Variants in EEF2K observed in about 807,000 individuals in gnomAD.
The protein encoded by EEF2K is alternative protein EEF2K.
In EEF2K, 70 loss-of-function variants were observed where a neutral mutation model predicts 93.8. The ratio of observed to expected loss-of-function variants is 0.75; its 90% confidence interval spans 0.62 to 0.91. The LOEUF is 0.91. Among genes scored for constraint, EEF2K ranks in the 40% least tolerant of loss-of-function variants. The pLI is 0.00. For missense variants in EEF2K, 935 were observed against 972.9 expected, an observed-to-expected ratio of 0.96 and a Z score of 0.52; for synonymous variants, 376 against 380.8, an observed-to-expected ratio of 0.99 and a Z score of 0.15.
At chr16:22,279,236 CTTTT>C (rs143168233) in intron 16 of EEF2K, among the ~76,000 whole-genome samples, 6 of 135,246 alleles carry the variant, frequency 4.4e-5, no homozygotes, top group Middle Eastern at 3.9e-3. Flanking sequence ...CTTGACTCCT[CTTTT>C]TTTTTTTTTT....
chr16:22,223,981 C>T (rs1312440462), intron 1 of EEF2K, among the ~76,000 whole-genome samples: 1 of 150,824 alleles, frequency 6.6e-6, no homozygotes, highest in South Asian at 2.1e-4. Flanking sequence ...CCGAGGCAGG[C>T]GGATCACCTG....
At chr16:22,211,575 T>G (rs1323504812) in intron 1 of EEF2K, among the ~76,000 whole-genome samples, 1 of 152,180 alleles carries the variant, frequency 6.6e-6, no homozygotes, top group Non-Finnish European at 1.5e-5. Flanking sequence ...TTCTCATGCT[T>G]CAGCCTCTCA....
At chr16:22,234,799 C>T (rs1326422381) in intron 2 of EEF2K, among the ~76,000 whole-genome samples, 1 of 150,168 alleles carries the variant, frequency 6.7e-6, no homozygotes, top group African/African-American at 2.4e-5. Context: ...CTTTTCTGGA[C>T]GTTTTACATA....
chr16:22,263,328 G>T, intron 12 of EEF2K, 141 bp downstream of exon 12: 1 of 714,256 alleles, frequency 1.4e-6, no homozygotes, highest in Non-Finnish European at 2.1e-6. Context: ...AGTATTTCAG[G>T]CCGGTCATGG....
At chr16:22,249,368 A>T (rs9937787) in intron 4 of EEF2K, among the ~76,000 whole-genome samples, 3,696 of 152,228 alleles carry the variant, frequency 0.024, 155 homozygotes, top group African/African-American at 0.082. Flanking sequence ...GGATTGCTTT[A>T]TGAAACTTTG....
intron 6 of EEF2K, among the ~76,000 whole-genome samples, chr16:22,255,245 A>G (rs940252469): frequency 6.6e-6 from 1 of 152,214 alleles, no homozygotes; most frequent in African/African-American, 2.4e-5. Flanking sequence ...TAAGTTGCTT[A>G]GCAAACAGAC....
rs1469533487 is a variant in EEF2K at position 22,286,885 on chromosome 16, T to A, written c.*2889T>A. On this transcript the variant is annotated 3_prime_UTR_variant, in exon 18 of 18. Transcript: ENST00000263026. ...ATTCGTTGTCTGGATTGGCTGGAAC[T>A]GTCACCCCCGCAATTCTACTCCCCA... 2 of 152,310 alleles carry A rather than the reference T, an allele frequency of 1.3e-5. No homozygotes were observed. The highest frequency in any genetic ancestry group is 2.9e-5 in the Non-Finnish European group (2 of 68,108). The allele number at this position is 152,310 out of a possible 1,614,324, so 9.4% of individuals were successfully genotyped here.
intron 17 of EEF2K, among the ~76,000 whole-genome samples, chr16:22,281,191 T>A (rs953055582): frequency 2.0e-5 from 3 of 152,084 alleles, no homozygotes; most frequent in Non-Finnish European, 2.9e-5. Context: ...CCTCCCAAAG[T>A]GCTGGGATTA....
chr16:22,244,813 C>CTT (rs1334263424), intron 3 of EEF2K, 83 bp downstream of exon 3: 2 of 1,413,680 alleles, frequency 1.4e-6, no homozygotes, highest in African/African-American at 2.8e-5. Flanking sequence ...CCTAAGTACT[C>CTT]TTGGGGGTCA....
intron 2 of EEF2K, among the ~76,000 whole-genome samples, chr16:22,231,214 G>A (rs991883524): frequency 2.0e-5 from 3 of 150,236 alleles, no homozygotes; most frequent in Admixed American, 1.3e-4. Context: ...TCAGCCTTCC[G>A]AATAGCTGGG....
intron 1 of EEF2K, among the ~76,000 whole-genome samples, chr16:22,222,938 A>G (rs1165785864): frequency 9.2e-5 from 14 of 152,094 alleles, no homozygotes; most frequent in Non-Finnish European, 2.9e-5. Flanking sequence ...GCCACAGTCA[A>G]TTTTAGAACC....
chr16:22,236,808 A>G (rs757434566), intron 2 of EEF2K, among the ~76,000 whole-genome samples: 10 of 151,146 alleles, frequency 6.6e-5, no homozygotes, highest in Non-Finnish European at 1.5e-4. Context: ...CTTTCCTGGT[A>G]TATAATTATT....
rs934198895 is a variant in EEF2K at position 22,258,481 on chromosome 16, T to C, written c.1030-13T>C. The C allele has an allele frequency of 1.2e-5, 20 of 1,613,480 alleles. No homozygotes were observed. The highest frequency in any genetic ancestry group is 1.7e-5 in the Non-Finnish European group (20 of 1,179,788). On this transcript the variant is annotated splice_polypyrimidine_tract_variant and intron_variant, in intron 9 of 17. Coordinates refer to ENST00000263026, the MANE Select transcript of EEF2K (RefSeq NM_013302.5). Reference sequence around the variant, plus strand: ...TGTGTGCGTGACATGAGTATCCCTATTAATGTCCCTAGCAATCAGCCAAGA... The same window carrying C: ...TGTGTGCGTGACATGAGTATCCCTACTAATGTCCCTAGCAATCAGCCAAGA...
chr16:22,216,530 G>A (rs905801251), intron 1 of EEF2K, among the ~76,000 whole-genome samples: 2 of 152,104 alleles, frequency 1.3e-5, no homozygotes, highest in African/African-American at 4.8e-5. Context: ...CTCTGAATTC[G>A]TGTTAAACTG....
rs200096701 is a variant in EEF2K, at chr16:22,266,453, G to A, written c.1504G>A (p.Val502Met). 40 of 1,614,154 alleles carry A rather than the reference G, an allele frequency of 2.5e-5. No homozygotes were observed. The highest frequency in any genetic ancestry group is 2.3e-4 in the African/African-American group (17 of 75,032). ...CCTCCACCTGCCGAGGGCTTCGGCC[G>A]TGGCCCTGGAAGTGCAAAGGCTTAA... ...SRLHLPRASA[V>M]ALEVQRLNAL... is the part of the protein sequence containing the mutation. The change falls in exon 14 of 18, where the codon GTG becomes ATG. Residue 502 changes from valine (V) to methionine (M), a missense_variant. Transcript: ENST00000263026.
chr16:22,230,902 C>G (rs1042260090), intron 2 of EEF2K, among the ~76,000 whole-genome samples: 5 of 152,078 alleles, frequency 3.3e-5, no homozygotes, highest in African/African-American at 1.2e-4. Flanking sequence ...AGGGGGATTA[C>G]AGGAGTGAGC....
In EEF2K at chr16:22,248,779, G is replaced by A; in HGVS notation, c.372G>A (p.Trp124Ter). 1 of 1,614,010 alleles carries A rather than the reference G, an allele frequency of 6.2e-7. No homozygotes were observed. The highest frequency in any genetic ancestry group is 8.5e-7 in the Non-Finnish European group (1 of 1,179,960). The change falls in exon 4 of 18, where the codon TGG becomes TGA. Residue 124 changes from tryptophan (W) to a stop codon, truncating the protein, a stop_gained. Transcript: ENST00000263026. LOFTEE classifies it high-confidence loss of function. ...RHRYNAVTGE[W>*]LDDEVLIKMA... is the part of the protein sequence containing the mutation. Reference sequence around the variant, plus strand: ...GGTACAACGCCGTCACCGGGGAATGGCTGGATGATGAAGTTCTGATCAAGA... The same window carrying A: ...GGTACAACGCCGTCACCGGGGAATGACTGGATGATGAAGTTCTGATCAAGA...
At chr16:22,281,150 C>T (rs2047689447) in intron 17 of EEF2K, among the ~76,000 whole-genome samples, 1 of 152,120 alleles carries the variant, frequency 6.6e-6, no homozygotes, top group Non-Finnish European at 1.5e-5. Context: ...TGGTCTTGAA[C>T]TCCTGACCTC....
At chr16:22,236,968 A>G (rs1357524915) in intron 2 of EEF2K, among the ~76,000 whole-genome samples, 5 of 102,624 alleles carry the variant, frequency 4.9e-5, no homozygotes, top group Admixed American at 1.5e-4. Flanking sequence ...TTTTTGAGAC[A>G]GAGTCTTGCT....
Sources: allele counts gnomAD v4.1 joint callset (sites outside exome capture counted in the v4.1 genomes callset), GRCh38; gene constraint gnomAD v4.1.1; transcripts MANE v1.5; gene names NCBI Gene and HGNC (gene_info 2026-07-23, HGNC 2026-07-21).